The following STK39 variants were observed in gnomAD, a reference collection of about 807,000 sequenced individuals.
STK39 encodes STE20/SPS1-related proline-alanine-rich protein kinase.
In STK39, 20 loss-of-function variants were observed where a neutral mutation model predicts 77.8. The observed-to-expected ratio is 0.26, with a 90% confidence interval of 0.18 to 0.37. STK39 has a LOEUF of 0.37. STK39 is among the 10% of genes least tolerant of loss of function. The probability of loss-of-function intolerance (pLI) is 1.00; values close to 1 mark genes in which losing one functional copy is unlikely to be tolerated. For synonymous variants in STK39, 246 were observed against 234.1 expected (o/e 1.05, Z -0.47); for missense variants, 479 against 656.5 (o/e 0.73, Z 2.95).
chr2:168,021,516 A>C (rs1472554572), intron 14 of STK39, among the ~76,000 whole-genome samples: 1 of 152,154 alleles, frequency 6.6e-6, no homozygotes, highest in Non-Finnish European at 1.5e-5. Context: ...TTGAAAGTAC[A>C]TTTACTTTAA....
At chr2:168,060,610 C>T (rs562085163) in intron 14 of STK39, among the ~76,000 whole-genome samples, 1 of 152,250 alleles carries the variant, frequency 6.6e-6, no homozygotes, top group African/African-American at 2.4e-5. Flanking sequence ...TAGATATCAA[C>T]AAGTGTTCAC....
At chr2:168,014,708 C>A (rs1399820146) in intron 15 of STK39, among the ~76,000 whole-genome samples, 3 of 152,150 alleles carry the variant, frequency 2.0e-5, no homozygotes, top group African/African-American at 4.8e-5. Flanking sequence ...AGGCACTGAG[C>A]AGATAGCAGG....
intron 5 of STK39, among the ~76,000 whole-genome samples, chr2:168,157,956 C>T (rs547066264): frequency 1.3e-5 from 2 of 152,206 alleles, no homozygotes; most frequent in African/African-American, 4.8e-5. Flanking sequence ...AAAAGATTAG[C>T]AGAAACCACC....
intron 10 of STK39, among the ~76,000 whole-genome samples, chr2:168,087,993 T>A (rs539052658): frequency 6.6e-6 from 1 of 152,128 alleles, no homozygotes; most frequent in Non-Finnish European, 1.5e-5. Context: ...GTCTAAGAAA[T>A]ATAATCGACA....
At chr2:168,093,165 T>C (rs1279327879) in intron 10 of STK39, among the ~76,000 whole-genome samples, 1 of 152,194 alleles carries the variant, frequency 6.6e-6, no homozygotes, top group Admixed American at 6.5e-5. Context: ...CAGTCTGAGC[T>C]TTTCCATAAA....
intron 10 of STK39, among the ~76,000 whole-genome samples, chr2:168,106,659 A>C (rs1004014603): frequency 1.3e-5 from 2 of 151,952 alleles, no homozygotes; most frequent in South Asian, 2.1e-4. Context: ...ATCTCTACAA[A>C]ATGTACCAAA....
intron 16 of STK39, among the ~76,000 whole-genome samples, chr2:167,980,185 A>C (rs2105265654): frequency 6.6e-6 from 1 of 152,348 alleles, no homozygotes; most frequent in South Asian, 2.1e-4. Flanking sequence ...CCTTCAATGC[A>C]TATAATCACT....
intron 5 of STK39, among the ~76,000 whole-genome samples, chr2:168,155,446 A>G (rs1688401301): frequency 6.6e-6 from 1 of 151,598 alleles, no homozygotes; most frequent in Admixed American, 6.6e-5. Context: ...CACTTATGCC[A>G]AAAAAAAATT....
At chr2:168,017,599 C>G (rs1052466904) in intron 14 of STK39, among the ~76,000 whole-genome samples, 1 of 151,732 alleles carries the variant, frequency 6.6e-6, no homozygotes, top group African/African-American at 2.4e-5. Context: ...CCCAAACTCC[C>G]GACCTCAGGT....
At position 168,247,220 on chromosome 2, in the gene STK39, G is replaced by A. The variant is rs1399036820; in HGVS notation, c.208+8C>T. ...CTGTGCCGGCCCCGCCGCGCCCGCC[G>A]CACTGACCGATAACCTCCTGCAGCT... is the stretch of plus-strand genomic sequence containing the variant. On this transcript the variant is annotated splice_region_variant and intron_variant, in intron 1 of 17. Coordinates refer to ENST00000355999, the MANE Select transcript of STK39 (RefSeq NM_013233.3). 8.3e-6 allele frequency: 10 copies of A among 1,199,428 alleles called. No homozygotes were observed. The highest frequency in any genetic ancestry group is 4.1e-5 in the Admixed American group (1 of 24,564). The allele number at this position is 1,199,428 out of a possible 1,614,324, so 74.3% of individuals were successfully genotyped here.
chr2:168,247,334 C>T lies in STK39; in HGVS notation c.102G>A (p.Ala34=), dbSNP rs1690952532. 1 of 1,038,056 alleles carries T rather than the reference C, an allele frequency of 9.6e-7. No homozygotes were observed. The highest frequency in any genetic ancestry group is 1.2e-6 in the Non-Finnish European group (1 of 860,956). 64.3% of individuals were successfully genotyped at this position (1,038,056 alleles called of 1,614,324 possible). The change falls in exon 1 of 18, where the codon GCG becomes GCA. Residue 34 remains alanine, a synonymous_variant. Coordinates refer to ENST00000355999, the MANE Select transcript of STK39 (RefSeq NM_013233.3). Reference sequence around the variant, plus strand: ...GGGCCGCGGGAGCTGCCGGGGCCGGCGCTGCTGTCGCGGCCGCCGGGGCCG... The same window carrying T: ...GGGCCGCGGGAGCTGCCGGGGCCGGTGCTGCTGTCGCGGCCGCCGGGGCCG... The part of the protein sequence containing the change: ...AAAAPAAATA[A]PAPAAPAAPA...
chr2:168,190,948 T>G (rs1027885996), intron 1 of STK39, among the ~76,000 whole-genome samples: 1 of 152,182 alleles, frequency 6.6e-6, no homozygotes, highest in African/African-American at 2.4e-5. Flanking sequence ...AAATGTCTAT[T>G]GCTATTCACA....
intron 10 of STK39, among the ~76,000 whole-genome samples, chr2:168,096,914 A>C (rs1296636735): frequency 2.6e-5 from 4 of 152,028 alleles, no homozygotes; most frequent in African/African-American, 9.7e-5. Context: ...TAGAAAAAAA[A>C]ACCTGCCTTT....
At chr2:168,246,933 G>A (rs1033394246) in intron 1 of STK39, among the ~76,000 whole-genome samples, 3 of 152,000 alleles carry the variant, frequency 2.0e-5, no homozygotes, top group African/African-American at 7.2e-5. Flanking sequence ...CTGGTCCTCC[G>A]CTCCACCGCC....
intron 1 of STK39, 149 bp downstream of exon 1, chr2:168,247,079 A>T (rs1410731417): frequency 3.5e-6 from 1 of 283,000 alleles, no homozygotes; most frequent in Non-Finnish European, 5.3e-6. Flanking sequence ...AAAAAAAAAA[A>T]AAAAAAAAAA....
At chr2:168,100,954 AC>A (rs143512315) in intron 10 of STK39, among the ~76,000 whole-genome samples, 33,220 of 152,136 alleles carry the variant, frequency 0.22, 3,784 homozygotes, top group East Asian at 0.28. Flanking sequence ...CTTGGAACCA[AC>A]CCAAATGCCC....
At chr2:168,148,781 G>A (rs1282222596) in intron 5 of STK39, among the ~76,000 whole-genome samples, 8 of 152,142 alleles carry the variant, frequency 5.3e-5, no homozygotes, top group Non-Finnish European at 1.2e-4. Flanking sequence ...TAGTAAGTCT[G>A]CCATCAATAA....
At chr2:168,140,932 T>C (rs1687965330) in intron 5 of STK39, among the ~76,000 whole-genome samples, 174 bp from the exon 6 acceptor site, 1 of 152,166 alleles carries the variant, frequency 6.6e-6, no homozygotes, top group African/African-American at 2.4e-5. Flanking sequence ...TGCTATCCCC[T>C]ACACCTTGGA....
chr2:168,019,135 T>C (rs1684506997), intron 14 of STK39, among the ~76,000 whole-genome samples: 1 of 152,136 alleles, frequency 6.6e-6, no homozygotes, highest in African/African-American at 2.4e-5. Flanking sequence ...GCAGTTCCTA[T>C]AACTGTGCTT....
Sources: gnomAD v4.1 joint callset for allele counts (sites outside exome capture counted in the v4.1 genomes callset) on GRCh38, gnomAD v4.1.1 for gene constraint, MANE v1.5 for transcripts, NCBI Gene and HGNC (gene_info 2026-07-23, HGNC 2026-07-21) for gene names.